Variants in HECTD4 observed in about 807,000 individuals in gnomAD.
The protein encoded by HECTD4 is HECT domain E3 ubiquitin protein ligase 4, also known as probable E3 ubiquitin-protein ligase HECTD4.
A neutral mutation model predicts 471.5 loss-of-function variants in HECTD4; 114 were observed. The observed-to-expected ratio is 0.24, with a 90% confidence interval of 0.21 to 0.28. The LOEUF (loss-of-function observed/expected upper bound fraction) is 0.28. Among genes scored for constraint, HECTD4 ranks in the 10% least tolerant of loss-of-function variants. The pLI is 1.00. For missense variants in HECTD4, 3,866 were observed against 5,651.5 expected (o/e 0.68, Z 10.13); for synonymous variants, 2,012 against 2,256.0 (o/e 0.89, Z 3.07).
At chr12:112,290,418 G>C (rs963334081) in intron 7 of HECTD4, among the ~76,000 whole-genome samples, 12 of 151,974 alleles carry the variant, frequency 7.9e-5, no homozygotes, top group Admixed American at 7.2e-4. Context: ...CCAGCTGTGA[G>C]GGAGGCAGAC....
chr12:112,224,244 C>G (rs977135751), intron 44 of HECTD4, among the ~76,000 whole-genome samples: 8 of 151,404 alleles, frequency 5.3e-5, no homozygotes, highest in African/African-American at 1.9e-4. Flanking sequence ...TTCTGGTAAC[C>G]TAATAAGTGA....
At chr12:112,182,810 A>G (rs2031726026) in intron 62 of HECTD4, among the ~76,000 whole-genome samples, 1 of 152,260 alleles carries the variant, frequency 6.6e-6, no homozygotes, top group Non-Finnish European at 1.5e-5. Context: ...TTCTTTTCAC[A>G]TCATACAAAG....
At chr12:112,181,753 C>T (rs1221994722) in intron 62 of HECTD4, among the ~76,000 whole-genome samples, 1 of 152,196 alleles carries the variant, frequency 6.6e-6, no homozygotes, top group East Asian at 1.9e-4. Context: ...AGCCACCGTG[C>T]CCGGCCTGGG....
Position 112,248,051 on chromosome 12 carries a change from C to A in HECTD4, c.4248+16G>T. 1.3e-6 allele frequency: 2 copies of A among 1,586,874 alleles called. No homozygotes were observed. Among genetic ancestry groups the A allele is most frequent in the Middle Eastern group, 1.7e-4 (1 of 6,014 alleles). ...AAATGGCAATACCCCAGTGACAAAT[C>A]ATACAATTTGCTCACCTCATTAAAA... is the stretch of plus-strand genomic sequence containing the variant. On this transcript the variant is annotated intron_variant, in intron 27 of 75. Transcript: ENST00000682272.
rs564622243 is a variant in HECTD4, at chr12:112,347,439, G to C, written c.178-27697C>G. Among the ~76,000 whole-genome samples, 3 of 152,240 alleles carry C rather than the reference G, an allele frequency of 2.0e-5. No homozygotes were observed. The South Asian group carries it at 6.2e-4, about 32-fold the overall frequency. ...CATAAGAATCGCTTGCAACCCGGGA[G>C]GCAGTGGTTGCAGTGAGCCAAGATT... On this transcript the variant is annotated intron_variant, in intron 1 of 75. Transcript: ENST00000682272.
At chr12:112,272,163 C>G (rs1014494149) in intron 11 of HECTD4, among the ~76,000 whole-genome samples, 1 of 152,044 alleles carries the variant, frequency 6.6e-6, no homozygotes, top group Non-Finnish European at 1.5e-5. Context: ...TTCTCCTGCC[C>G]TAGCCTCCCA....
chr12:112,312,610 T>A (rs1010010729), intron 4 of HECTD4, among the ~76,000 whole-genome samples: 1 of 152,214 alleles, frequency 6.6e-6, no homozygotes, highest in Non-Finnish European at 1.5e-5. Context: ...ATTTTTTGCT[T>A]TTAGGACAGG....
At chr12:112,232,002 G>A (rs940327996) in intron 38 of HECTD4, among the ~76,000 whole-genome samples, 7 of 152,202 alleles carry the variant, frequency 4.6e-5, no homozygotes, top group South Asian at 2.1e-4. Flanking sequence ...TCAGTGTATC[G>A]CGGAGACTCT....
At chr12:112,244,220 T>C (rs2033706207) in intron 29 of HECTD4, among the ~76,000 whole-genome samples, 1 of 152,198 alleles carries the variant, frequency 6.6e-6, no homozygotes, top group Non-Finnish European at 1.5e-5. Flanking sequence ...AAAATTAAAA[T>C]CTTTTTATTA....
intron 7 of HECTD4, among the ~76,000 whole-genome samples, chr12:112,304,590 A>G (rs918744719): frequency 2.0e-5 from 3 of 152,036 alleles, no homozygotes; most frequent in African/African-American, 2.4e-5. Flanking sequence ...CCTTCCAAGC[A>G]CTGGGATTAC....
chr12:112,219,929 G>A (rs1008370874), intron 44 of HECTD4, among the ~76,000 whole-genome samples: 4 of 152,056 alleles, frequency 2.6e-5, no homozygotes, highest in African/African-American at 7.2e-5. Flanking sequence ...CAAATACCCC[G>A]AGACATCTTT....
chr12:112,291,788 C>T (rs1285345257), intron 7 of HECTD4, among the ~76,000 whole-genome samples: 2 of 152,082 alleles, frequency 1.3e-5, no homozygotes, highest in Non-Finnish European at 2.9e-5. Flanking sequence ...AGGAGAATGG[C>T]GTGAACCGGG....
At chr12:112,338,136 T>C (rs1220657455) in intron 1 of HECTD4, among the ~76,000 whole-genome samples, 1 of 152,158 alleles carries the variant, frequency 6.6e-6, no homozygotes, top group African/African-American at 2.4e-5. Flanking sequence ...AGAATCGGTT[T>C]CTTGCTTCTT....
At position 112,171,125 on chromosome 12, in the gene HECTD4, T is replaced by C. The variant is rs773321315; in HGVS notation, c.11924A>G (p.Glu3975Gly). 1.9e-6 allele frequency: 3 copies of C among 1,612,952 alleles called. No individual in the cohort carries two copies. The African/African-American group carries it at 4.0e-5, about 22-fold the overall frequency. Reference sequence around the variant, plus strand: ...CAGGTGCAGGCACTGACCTTTGGCCTCCTTCAGCAGGGCGGCGATGCTGTG... The same window carrying C: ...CAGGTGCAGGCACTGACCTTTGGCCCCCTTCAGCAGGGCGGCGATGCTGTG... ...YTHSIAALLK[E>G]AKGLIFYDTK... Residue 3975 changes from glutamate to glycine, a missense_variant, in exon 68 of 76, where the codon GAG (glutamate) becomes GGG (glycine). Glu to Gly is a moderately conservative substitution (Grantham distance 98). Transcript: ENST00000682272.
chr12:112,295,641 T>TA (rs2034991816), intron 7 of HECTD4, among the ~76,000 whole-genome samples: 1 of 146,636 alleles, frequency 6.8e-6, no homozygotes, highest in African/African-American at 2.5e-5. Flanking sequence ...TACCTGGCCC[T>TA]TTTTTTCTTT....
intron 13 of HECTD4, among the ~76,000 whole-genome samples, chr12:112,269,148 C>T (rs564886743): frequency 6.6e-6 from 1 of 152,202 alleles, no homozygotes; most frequent in East Asian, 1.9e-4. Flanking sequence ...GCTGGGATTA[C>T]AGGCGTGAGC....
chr12:112,185,542 T>C (rs773279280), intron 60 of HECTD4, 49 bp from the exon 61 acceptor site: 5 of 1,406,252 alleles, frequency 3.6e-6, no homozygotes, highest in Non-Finnish European at 3.9e-6. Flanking sequence ...GCACTGGCTA[T>C]GTTCCAGGCG....
chr12:112,175,281 C>T (rs1482990503), intron 66 of HECTD4, among the ~76,000 whole-genome samples: 2 of 152,212 alleles, frequency 1.3e-5, no homozygotes, highest in Non-Finnish European at 2.9e-5. Flanking sequence ...CCTAATCCAA[C>T]AGGACTGGTA....
Position 112,313,060 on chromosome 12 carries a change from C to T in HECTD4, c.873G>A (p.Leu291=). ...HIVSWGYEDM[L]PAPDSNTGSS... ...AGCCAGTGTTGCTATCCGGCGCAGG[C>T]AACATGTCTTCATAACCCCATGATA... The change falls in exon 4 of 76, where the codon TTG becomes TTA. Residue 291 remains leucine (L), a synonymous_variant. Coordinates refer to ENST00000682272, the MANE Select transcript of HECTD4 (RefSeq NM_001388303.1). The T allele has an allele frequency of 6.5e-7, 1 of 1,535,812 alleles. No individual in the cohort carries two copies. The highest frequency in any genetic ancestry group is 8.7e-7 in the Non-Finnish European group (1 of 1,146,734).
Sources: gnomAD v4.1 joint callset for allele counts (sites outside exome capture counted in the v4.1 genomes callset) on GRCh38, gnomAD v4.1.1 for gene constraint, MANE v1.5 for transcripts, NCBI Gene and HGNC (gene_info 2026-07-23, HGNC 2026-07-21) for gene names.